VAPA: variants seen among roughly 807,000 people sequenced by gnomAD.
VAPA encodes VAMP associated protein A, also known as vesicle-associated membrane protein-associated protein A.
In VAPA, 6 loss-of-function variants were observed where a neutral mutation model predicts 25.6. That is an observed-to-expected ratio of 0.23 (90% CI 0.13 to 0.46). VAPA has a LOEUF of 0.46. Among genes scored for constraint, VAPA ranks in the 20% least tolerant of loss-of-function variants. The pLI, the probability that VAPA is intolerant of heterozygous loss-of-function variation, is 0.99. For synonymous variants in VAPA, 112 were observed against 106.2 expected (o/e 1.05, Z -0.34); for missense variants, 244 against 302.1 (o/e 0.81, Z 1.43).
At chr18:9,948,907 A>G (rs1408594552) in intron 4 of VAPA, 2 of 152,160 alleles carry the variant, frequency 1.3e-5, no homozygotes, top group Admixed American at 6.6e-5. Flanking sequence ...TATGAGTATG[A>G]TACTTTTTCC....
chr18:9,944,215 AG>A (rs2069397949), intron 4 of VAPA, among the ~76,000 whole-genome samples: 1 of 152,142 alleles, frequency 6.6e-6, no homozygotes, highest in Admixed American at 6.5e-5. Flanking sequence ...GGGGCTGTAA[AG>A]AACAGGGATT....
In VAPA at chr18:9,933,807, G is replaced by T. The variant is rs1473662598; in HGVS notation, c.232+1845G>T. On this transcript the variant is annotated intron_variant, in intron 2 of 5. Coordinates refer to ENST00000400000, the MANE Select transcript of VAPA (RefSeq NM_194434.3). ...TCTACCTTAGCCTCCCCAAATGCTG[G>T]GATTACAGGCGTGAGCCACTGCGCC... Among the ~76,000 whole-genome samples, 3 of 152,146 alleles carry T rather than the reference G, an allele frequency of 2.0e-5. No homozygotes were observed. The East Asian group carries it at 5.8e-4, about 29-fold the overall frequency.
intron 2 of VAPA, 41 bp from the exon 3 acceptor site, chr18:9,936,069 A>T: frequency 7.1e-7 from 1 of 1,399,972 alleles, no homozygotes; most frequent in Non-Finnish European, 9.8e-7. Context: ...TCTTTCAGAC[A>T]TGCAGGAGAC....
At chr18:9,944,961 C>A in intron 4 of VAPA, 1 of 1,614,148 alleles carries the variant, frequency 6.2e-7, no homozygotes, top group Non-Finnish European at 8.5e-7. Flanking sequence ...ACTGTCACTT[C>A]AATGAGCAGC....
chr18:9,922,877 T>A (rs758247779), intron 1 of VAPA, among the ~76,000 whole-genome samples: 23 of 152,360 alleles, frequency 1.5e-4, no homozygotes, highest in South Asian at 2.1e-4. Flanking sequence ...TGGGTTTTTT[T>A]AATAATAAAA....
chr18:9,914,559 G>A, intron 1 of VAPA: 1 of 229,418 alleles, frequency 4.4e-6, no homozygotes, highest in Non-Finnish European at 8.3e-6. Flanking sequence ...GCTGCGGTGC[G>A]CGCGCCGGCC....
At chr18:9,941,536 C>G (rs905644852) in intron 4 of VAPA, among the ~76,000 whole-genome samples, 1 of 151,290 alleles carries the variant, frequency 6.6e-6, no homozygotes, top group African/African-American at 2.4e-5. Flanking sequence ...GTAATAAGAC[C>G]CTATTGATAA....
intron 4 of VAPA, chr18:9,949,080 A>G (rs1377263236): frequency 1.3e-5 from 2 of 152,226 alleles, no homozygotes; most frequent in Non-Finnish European, 2.9e-5. Context: ...TCTAACTACT[A>G]TTAAGGAAAA....
intron 1 of VAPA, among the ~76,000 whole-genome samples, chr18:9,918,308 T>TC (rs2069129194): frequency 6.6e-6 from 1 of 152,228 alleles, no homozygotes; most frequent in African/African-American, 2.4e-5. Context: ...CATAACTCTT[T>TC]CTAGTATGTG....
intron 4 of VAPA, among the ~76,000 whole-genome samples, chr18:9,943,096 A>G (rs975073907): frequency 7.2e-5 from 11 of 152,232 alleles, no homozygotes; most frequent in Admixed American, 7.2e-4. Flanking sequence ...TACTGGATAT[A>G]TAAGTAAGGA....
chr18:9,939,796 A>G (rs1187232180), intron 4 of VAPA, among the ~76,000 whole-genome samples: 7 of 152,194 alleles, frequency 4.6e-5, no homozygotes, highest in Admixed American at 2.0e-4. Flanking sequence ...TTTAGTGGGC[A>G]GAGGCCAGGG....
chr18:9,939,900 G>A (rs1037395744), intron 4 of VAPA, among the ~76,000 whole-genome samples: 1 of 152,176 alleles, frequency 6.6e-6, no homozygotes, highest in African/African-American at 2.4e-5. Context: ...GAGACAGTAT[G>A]ACCTAGGTCT....
At position 9,954,418 on chromosome 18, in the gene VAPA, A is replaced by G; in HGVS notation, c.*207A>G. The G allele has an allele frequency of 2.0e-6, 1 of 489,846 alleles. No homozygotes were observed. The highest frequency in any genetic ancestry group is 3.6e-6 in the Non-Finnish European group (1 of 280,450). The allele number at this position is 489,846 out of a possible 1,614,324, so 30.3% of individuals were successfully genotyped here. ...TCGGCTACTGGACAGGTTGTATATT[A>G]CCAGATCATCACTAGCAGATGTCAG... On this transcript the variant is annotated 3_prime_UTR_variant, in exon 6 of 6. Transcript: ENST00000400000.
rs1400886233 is a variant in VAPA, at chr18:9,954,333, CA to C, written c.*123del. ...GACCATTTTTTTGTGTGTACAGCGT[CA>C]TATAGGCTTTGCCTTTAATGATCTC... On this transcript the variant is annotated 3_prime_UTR_variant, in exon 6 of 6. Coordinates refer to ENST00000400000, the MANE Select transcript of VAPA (RefSeq NM_194434.3). The C allele has an allele frequency of 3.6e-4, 301 of 826,776 alleles. No homozygotes were observed. Among genetic ancestry groups the C allele is most frequent in the Non-Finnish European group, 5.0e-4 (264 of 525,146 alleles). The allele number at this position is 826,776 out of a possible 1,614,324, so 51.2% of individuals were successfully genotyped here. A position where few individuals can be genotyped will look rare whatever the true frequency, so the allele number is the denominator to read the frequency against.
At chr18:9,926,403 C>T (rs2069200499) in intron 1 of VAPA, among the ~76,000 whole-genome samples, 2 of 152,096 alleles carry the variant, frequency 1.3e-5, no homozygotes, top group South Asian at 4.1e-4. Flanking sequence ...CCTCATTAGT[C>T]TGCACTGCAT....
In VAPA at chr18:9,914,301, G is replaced by A. The variant is rs748295956; in HGVS notation, c.45G>A (p.Leu15=). 6.3e-7 allele frequency: 1 copy of A among 1,590,268 alleles called. No individual in the cohort carries two copies. The highest frequency in any genetic ancestry group is 1.1e-5 in the South Asian group (1 of 89,196). Residue 15 remains leucine (L), a synonymous_variant, in exon 1 of 6, where the codon CTG becomes CTA. Coordinates refer to ENST00000400000, the MANE Select transcript of VAPA (RefSeq NM_194434.3). ...CCATGGCGAAGCACGAGCAGATCCTGGTCCTCGATCCGCCCACAGACCTCA... is the reference window on the plus strand; with the variant it reads ...CCATGGCGAAGCACGAGCAGATCCTAGTCCTCGATCCGCCCACAGACCTCA... The part of the protein sequence containing the change: ...SGAMAKHEQI[L]VLDPPTDLKF...
At chr18:9,929,123 C>A (rs1450073090) in intron 1 of VAPA, among the ~76,000 whole-genome samples, 1 of 152,078 alleles carries the variant, frequency 6.6e-6, no homozygotes, top group African/African-American at 2.4e-5. Context: ...CACCTTTTAA[C>A]ATTTTGAAGA....
chr18:9,940,377 G>A (rs2069354519), intron 4 of VAPA, among the ~76,000 whole-genome samples: 2 of 152,024 alleles, frequency 1.3e-5, no homozygotes, highest in African/African-American at 2.4e-5. Flanking sequence ...CATTTCAGTG[G>A]GAGATGGTAT....
chr18:9,950,611 A>G (rs942753051), intron 5 of VAPA, 43 bp downstream of exon 5: 39 of 1,594,016 alleles, frequency 2.4e-5, no homozygotes, highest in African/African-American at 5.4e-5. Context: ...AAATGAAGGT[A>G]TAGGACATGT....
Sources: allele counts gnomAD v4.1 joint callset (sites outside exome capture counted in the v4.1 genomes callset), GRCh38; gene constraint gnomAD v4.1.1; transcripts MANE v1.5; gene names NCBI Gene and HGNC (gene_info 2026-07-23, HGNC 2026-07-21).